CCDC34: variants seen among roughly 807,000 people sequenced by gnomAD.
CCDC34 encodes coiled-coil domain-containing protein 34.
A neutral mutation model predicts 44.1 loss-of-function variants in CCDC34; 40 were observed. The ratio of observed to expected loss-of-function variants is 0.91; its 90% confidence interval spans 0.70 to 1.18. CCDC34 has a LOEUF of 1.18. Among genes scored for constraint, CCDC34 ranks in the 50% most tolerant of loss-of-function variants. The pLI, the probability that CCDC34 is intolerant of heterozygous loss-of-function variation, is 0.00. For synonymous variants in CCDC34, 159 were observed against 158.2 expected (o/e 1.01, Z -0.04); for missense variants, 466 against 452.3 (o/e 1.03, Z -0.28).
Position 27,346,440 on chromosome 11 carries a change from G to C in CCDC34, c.606+3892C>G, listed in dbSNP as rs1270459365. On this transcript the variant is annotated intron_variant, in intron 3 of 5. Transcript: ENST00000328697. ...GAGGGAAACAGGAGGGGAGGGAGGG[G>C]AGGGGAGGAAGGAAGGGAGGGAAGA... Among the ~76,000 whole-genome samples the C allele has an allele frequency of 6.5e-5, 9 of 138,778 alleles. No individual in the cohort carries two copies. In the East Asian group the frequency reaches 2.1e-3, roughly 33 times the overall value. 91.0% of individuals were successfully genotyped at this position (138,778 alleles called of 152,430 possible).
chr11:27,359,176 A>G (rs1862623350), intron 1 of CCDC34, among the ~76,000 whole-genome samples: 1 of 152,062 alleles, frequency 6.6e-6, no homozygotes, highest in Non-Finnish European at 1.5e-5. Flanking sequence ...TCCTCATCTT[A>G]AAGTTCTTCA....
rs80317617 is a variant in CCDC34 at position 27,340,710 on chromosome 11, T to C, written c.893A>G (p.Asn298Ser). ...TAAAAACCAACCTGTAAGTTTTCCA[T>C]TGGCATAACCATAGCTCTTTGCAGC... ...RPAAKSYGYA[N>S]GKLTGFYSGN... is the part of the protein sequence containing the mutation. Residue 298 changes from asparagine to serine, a missense_variant, in exon 5 of 6, where the codon AAT becomes AGT. By Grantham distance (46) the Asn-to-Ser change is conservative. Coordinates refer to ENST00000328697, the MANE Select transcript of CCDC34 (RefSeq NM_030771.2). The C allele has an allele frequency of 0.056, 90,388 of 1,606,632 alleles. 3,102 individuals are homozygous for C. The highest frequency in any genetic ancestry group is 0.065 in the Non-Finnish European group (76,012 of 1,177,180).
chr11:27,352,543 G>T (rs1045967223), intron 2 of CCDC34, among the ~76,000 whole-genome samples: 1 of 151,868 alleles, frequency 6.6e-6, no homozygotes, highest in African/African-American at 2.4e-5. Flanking sequence ...AAATATGAAA[G>T]ACATTAATTA....
At chr11:27,350,470 T>C in intron 2 of CCDC34, 31 bp from the exon 3 acceptor site, 4 of 1,549,574 alleles carry the variant, frequency 2.6e-6, no homozygotes, top group Non-Finnish European at 3.5e-6. Flanking sequence ...AAAGGCAACA[T>C]TTAATAGAAG....
At chr11:27,344,557 T>A (rs1373394856) in intron 3 of CCDC34, among the ~76,000 whole-genome samples, 1 of 151,246 alleles carries the variant, frequency 6.6e-6, no homozygotes, top group Admixed American at 6.6e-5. Context: ...AAAATATATA[T>A]TATATATCAG....
chr11:27,362,489 T>G (rs1344366145), intron 1 of CCDC34, among the ~76,000 whole-genome samples: 1 of 152,202 alleles, frequency 6.6e-6, no homozygotes, highest in African/African-American at 2.4e-5. Context: ...GTGTTCAGGT[T>G]TGGGATAAGA....
intron 1 of CCDC34, among the ~76,000 whole-genome samples, chr11:27,359,217 A>G (rs1862623739): frequency 6.6e-6 from 1 of 152,108 alleles, no homozygotes. Context: ...ATAAAATCCA[A>G]ACTCCTTAGC....
At chr11:27,358,324 C>T (rs150419209) in intron 1 of CCDC34, among the ~76,000 whole-genome samples, 7 of 152,196 alleles carry the variant, frequency 4.6e-5, no homozygotes, top group African/African-American at 9.6e-5. Flanking sequence ...GATACACAAG[C>T]CTCATGAAAC....
intron 2 of CCDC34, among the ~76,000 whole-genome samples, chr11:27,354,678 C>A (rs1862548517): frequency 2.1e-5 from 3 of 141,598 alleles, no homozygotes; most frequent in Non-Finnish European, 4.6e-5. Context: ...ACATGGCAAC[C>A]CCCCCACCCC....
intron 1 of CCDC34, among the ~76,000 whole-genome samples, chr11:27,362,551 G>T (rs1862680830): frequency 1.3e-5 from 2 of 152,186 alleles, no homozygotes; most frequent in African/African-American, 4.8e-5. Flanking sequence ...GCCTGAAATG[G>T]TAGCAGAGTT....
At chr11:27,351,304 A>C (rs1004092799) in intron 2 of CCDC34, among the ~76,000 whole-genome samples, 1 of 152,200 alleles carries the variant, frequency 6.6e-6, no homozygotes, top group East Asian at 1.9e-4. Context: ...CTACTTGGGC[A>C]TGGGTGGTAG....
chr11:27,363,197 G>A lies in CCDC34; in HGVS notation c.-3C>T, dbSNP rs765146872. 4.1e-6 allele frequency: 6 copies of A among 1,470,124 alleles called. No individual in the cohort carries two copies. Among genetic ancestry groups the A allele is most frequent in the African/African-American group, 1.4e-5 (1 of 69,928 alleles). The allele number at this position is 1,470,124 out of a possible 1,614,324, so 91.1% of individuals were successfully genotyped here. On this transcript the variant is annotated 5_prime_UTR_variant, in exon 1 of 6. Transcript: ENST00000328697. ...CCCCAGCGCCCCGCCGCCCACATCT[G>A]GCCCGCCAAGTTCAAACTGGCGGAG...
intron 1 of CCDC34, among the ~76,000 whole-genome samples, chr11:27,357,849 T>C (rs746516251): frequency 6.6e-6 from 1 of 152,138 alleles, no homozygotes; most frequent in Non-Finnish European, 1.5e-5. Flanking sequence ...TTTTTATTTC[T>C]AAAAATCTTA....
chr11:27,359,317 C>A (rs1186377155), intron 1 of CCDC34, among the ~76,000 whole-genome samples: 4 of 152,052 alleles, frequency 2.6e-5, no homozygotes, highest in East Asian at 1.9e-4. Context: ...TCACTAGGAA[C>A]CCCTGCAGGT....
intron 3 of CCDC34, among the ~76,000 whole-genome samples, chr11:27,344,324 ATATATGTTATAAACATATG>A (rs1157991716): frequency 6.6e-6 from 1 of 152,104 alleles, no homozygotes; most frequent in African/African-American, 2.4e-5. Flanking sequence ...AAAAAAACAT[ATATATGTTATAAACATATG>A]TATATGTTAT....
intron 1 of CCDC34, among the ~76,000 whole-genome samples, chr11:27,359,870 G>T (rs963786211): frequency 9.9e-5 from 15 of 152,112 alleles, no homozygotes; most frequent in Admixed American, 2.0e-4. Flanking sequence ...GCACTGCCTG[G>T]AGCCACAACT....
At chr11:27,346,251 C>T (rs1387832673) in intron 3 of CCDC34, among the ~76,000 whole-genome samples, 1 of 151,876 alleles carries the variant, frequency 6.6e-6, no homozygotes, top group Non-Finnish European at 1.5e-5. Flanking sequence ...CAAAAATTAG[C>T]CAGGTGTGGT....
chr11:27,356,175 C>T (rs11029971), intron 2 of CCDC34, among the ~76,000 whole-genome samples: 3,888 of 151,624 alleles, frequency 0.026, 154 homozygotes, highest in African/African-American at 0.082. Flanking sequence ...TGCACCACCA[C>T]GCCCAGATAA....
intron 3 of CCDC34, among the ~76,000 whole-genome samples, chr11:27,342,336 TATATAA>T (rs1862373213): frequency 7.3e-6 from 1 of 136,134 alleles, no homozygotes; most frequent in Non-Finnish European, 1.7e-5. Flanking sequence ...CACACATTTA[TATATAA>T]ATATATGTAT....
Sources: allele counts gnomAD v4.1 joint callset (sites outside exome capture counted in the v4.1 genomes callset), GRCh38; gene constraint gnomAD v4.1.1; transcripts MANE v1.5; gene names NCBI Gene and HGNC (gene_info 2026-07-23, HGNC 2026-07-21).